The following GPC6 variants were observed in gnomAD, a reference collection of about 807,000 sequenced individuals.
GPC6 encodes glypican-6.
A neutral mutation model predicts 55.2 loss-of-function variants in GPC6; 14 were observed. That is an observed-to-expected ratio of 0.25 (90% CI 0.17 to 0.40). GPC6 has a LOEUF of 0.40. GPC6 is among the 10% of genes least tolerant of loss of function. The pLI, the probability that GPC6 is intolerant of heterozygous loss-of-function variation, is 1.00. For missense variants in GPC6, 641 were observed against 708.5 expected, an observed-to-expected ratio of 0.90 and a Z score of 1.08; for synonymous variants, 278 against 259.6, an observed-to-expected ratio of 1.07 and a Z score of -0.68.
chr13:93,955,243 G>GCACACACACACA (rs10524254), intron 3 of GPC6, among the ~76,000 whole-genome samples: 1 of 136,176 alleles, frequency 7.3e-6, no homozygotes, highest in East Asian at 2.2e-4. Context: ...GAATGAACAT[G>GCACACACACACA]CACACACACA....
chr13:94,149,513 G>A (rs986380288), intron 4 of GPC6, among the ~76,000 whole-genome samples: 27 of 152,134 alleles, frequency 1.8e-4, no homozygotes, highest in African/African-American at 6.5e-4. Flanking sequence ...ACCTTGTAGA[G>A]CATTGAACAT....
chr13:94,370,831 T>C (rs1879509256), intron 6 of GPC6, among the ~76,000 whole-genome samples: 1 of 152,194 alleles, frequency 6.6e-6, no homozygotes, highest in Non-Finnish European at 1.5e-5. Flanking sequence ...CAGTACCTCA[T>C]GAAATTTACA....
intron 4 of GPC6, among the ~76,000 whole-genome samples, chr13:94,102,674 A>G (rs1486735356): frequency 3.9e-5 from 6 of 152,108 alleles, no homozygotes; most frequent in African/African-American, 1.4e-4. Context: ...TATTTAGGAA[A>G]AAAAGATAAT....
At chr13:93,806,268 T>C (rs923589474) in intron 2 of GPC6, among the ~76,000 whole-genome samples, 1 of 152,200 alleles carries the variant, frequency 6.6e-6, no homozygotes, top group Non-Finnish European at 1.5e-5. Flanking sequence ...CCATTGTGCA[T>C]TGGCTGGATG....
chr13:94,221,345 T>A (rs1372086170), intron 4 of GPC6, among the ~76,000 whole-genome samples: 1 of 152,094 alleles, frequency 6.6e-6, no homozygotes, highest in African/African-American at 2.4e-5. Context: ...CTAATGGAGC[T>A]AATAAGCAAA....
At chr13:93,584,618 A>G (rs1292019163) in intron 2 of GPC6, among the ~76,000 whole-genome samples, 2 of 152,088 alleles carry the variant, frequency 1.3e-5, no homozygotes, top group Non-Finnish European at 2.9e-5. Context: ...AAGAGATCCA[A>G]TAATCAAAAA....
At chr13:93,806,281 T>C (rs1403980020) in intron 2 of GPC6, among the ~76,000 whole-genome samples, 1 of 152,156 alleles carries the variant, frequency 6.6e-6, no homozygotes. Flanking sequence ...GCTGGATGCA[T>C]ATGTTGAGCA....
chr13:93,425,836 G>T (rs1030045905), intron 1 of GPC6, among the ~76,000 whole-genome samples: 10 of 152,138 alleles, frequency 6.6e-5, no homozygotes, highest in Admixed American at 5.2e-4. Flanking sequence ...CAAGGCAAAT[G>T]TCGCAAATAC....
At chr13:93,238,696 T>TC (rs35978044) in intron 1 of GPC6, among the ~76,000 whole-genome samples, 38,989 of 151,724 alleles carry the variant, frequency 0.26, 5,117 homozygotes, top group African/African-American at 0.32. Context: ...TTTCAACTTT[T>TC]CCCCTTCAGT....
chr13:94,033,443 G>A (rs961333008), intron 4 of GPC6, among the ~76,000 whole-genome samples: 3 of 152,172 alleles, frequency 2.0e-5, no homozygotes, highest in African/African-American at 7.2e-5. Context: ...TCGTAATTTT[G>A]TGTTTGGGAA....
intron 2 of GPC6, among the ~76,000 whole-genome samples, chr13:93,758,897 A>G (rs545320001): frequency 2.6e-5 from 4 of 152,240 alleles, no homozygotes; most frequent in East Asian, 1.9e-4. Flanking sequence ...TCTATGATCT[A>G]TCTGACTCCT....
intron 3 of GPC6, among the ~76,000 whole-genome samples, chr13:93,906,364 C>T (rs983313532): frequency 6.6e-6 from 1 of 152,098 alleles, no homozygotes; most frequent in Admixed American, 6.6e-5. Flanking sequence ...AAAAGGTTCA[C>T]TGCATATACT....
At chr13:93,619,244 C>T (rs1019213356) in intron 2 of GPC6, among the ~76,000 whole-genome samples, 3 of 152,106 alleles carry the variant, frequency 2.0e-5, no homozygotes, top group Non-Finnish European at 2.9e-5. Flanking sequence ...TCAGTGAAGA[C>T]ATCCTGTCTT....
intron 3 of GPC6, among the ~76,000 whole-genome samples, chr13:93,928,061 C>T (rs1877953436): frequency 6.6e-6 from 1 of 152,032 alleles, no homozygotes; most frequent in Non-Finnish European, 1.5e-5. Flanking sequence ...TTCCTGCACA[C>T]TCTTATACTT....
intron 2 of GPC6, among the ~76,000 whole-genome samples, chr13:93,695,821 T>A (rs906882333): frequency 5.9e-5 from 9 of 152,180 alleles, no homozygotes; most frequent in African/African-American, 2.2e-4. Context: ...ATTGGTACTT[T>A]ATTTTCACTT....
Position 93,814,349 on chromosome 13 carries a change from A to C in GPC6, c.320-15805A>C, listed in dbSNP as rs576892491. ...TGATTTTTATTTTCATTAGATATTT[A>C]TTTGTAATAAAATCTCTAATCTTTT... On this transcript the variant is annotated intron_variant, in intron 2 of 8. Coordinates refer to ENST00000377047, the MANE Select transcript of GPC6 (RefSeq NM_005708.5). Among the ~76,000 whole-genome samples the C allele has an allele frequency of 1.3e-5, 2 of 152,278 alleles. 1 individual carries two copies. The highest frequency in any genetic ancestry group is 3.9e-4 in the East Asian group (2 of 5,186).
chr13:93,965,305 G>A (rs1224605299), intron 3 of GPC6, among the ~76,000 whole-genome samples: 1 of 151,830 alleles, frequency 6.6e-6, no homozygotes, highest in African/African-American at 2.4e-5. Flanking sequence ...CAGCTACTCG[G>A]GAGGCTGAGG....
chr13:93,427,162 C>T lies in GPC6; in HGVS notation c.161-118101C>T, dbSNP rs191182005. Among the ~76,000 whole-genome samples, 1,305 of 151,856 alleles carry T rather than the reference C, an allele frequency of 8.6e-3. 15 individuals are homozygous for T. Among genetic ancestry groups the T allele is most frequent in the African/African-American group, 0.029 (1,209 of 41,380 alleles). ...AGCCCTTTGTCAGATGAGTAGGTTG[C>T]GAAAATTTTCTCCCATTTTGTAGGT... On this transcript the variant is annotated intron_variant, in intron 1 of 8. Coordinates refer to ENST00000377047, the MANE Select transcript of GPC6 (RefSeq NM_005708.5).
chr13:94,324,321 A>AG (rs994664583), intron 6 of GPC6, among the ~76,000 whole-genome samples: 2 of 151,940 alleles, frequency 1.3e-5, no homozygotes, highest in Non-Finnish European at 2.9e-5. Context: ...TAAAAAAAAA[A>AG]AAAAAAAAAC....
Sources: allele counts gnomAD v4.1 joint callset (sites outside exome capture counted in the v4.1 genomes callset), GRCh38; gene constraint gnomAD v4.1.1; transcripts MANE v1.5; gene names NCBI Gene and HGNC (gene_info 2026-07-23, HGNC 2026-07-21).